DLG2: variants seen among roughly 807,000 people sequenced by gnomAD.
DLG2 encodes discs large MAGUK scaffold protein 2.
In DLG2, 45 loss-of-function variants were observed where a neutral mutation model predicts 132.5. The ratio of observed to expected loss-of-function variants is 0.34; its 90% CI spans 0.27 to 0.44. The LOEUF (loss-of-function observed/expected upper bound fraction) is 0.44. DLG2 is among the 20% of genes least tolerant of loss of function. The pLI is 1.00. For synonymous variants in DLG2, 424 were observed against 419.6 expected (o/e 1.01, Z -0.13); for missense variants, 1,045 against 1,196.9 (o/e 0.87, Z 1.87).
At chr11:84,508,748 A>G (rs1360167267) in intron 7 of DLG2, among the ~76,000 whole-genome samples, 3 of 152,064 alleles carry the variant, frequency 2.0e-5, no homozygotes, top group African/African-American at 7.2e-5. Flanking sequence ...ACTTACCATC[A>G]TCTGACATTT....
intron 4 of DLG2, among the ~76,000 whole-genome samples, chr11:85,271,673 G>T (rs2077541260): frequency 6.6e-6 from 1 of 152,262 alleles, no homozygotes; most frequent in Non-Finnish European, 1.5e-5. Flanking sequence ...GAGACATGAA[G>T]TCAAAGAATA....
chr11:85,136,730 G>T (rs1373142565), intron 5 of DLG2, among the ~76,000 whole-genome samples: 3 of 142,972 alleles, frequency 2.1e-5, no homozygotes, highest in Non-Finnish European at 4.6e-5. Flanking sequence ...CTTTTATTTT[G>T]TTTGTTTCCA....
intron 4 of DLG2, among the ~76,000 whole-genome samples, chr11:85,270,378 A>C (rs1252123016): frequency 1.3e-5 from 2 of 152,182 alleles, no homozygotes; most frequent in Non-Finnish European, 2.9e-5. Flanking sequence ...AGCCACATGG[A>C]ACTGTGAGTC....
At chr11:83,739,656 C>T (rs962234809) in intron 18 of DLG2, among the ~76,000 whole-genome samples, 3 of 152,228 alleles carry the variant, frequency 2.0e-5, no homozygotes, top group Non-Finnish European at 4.4e-5. Context: ...TGAGATTTCC[C>T]AGAAGATAAA....
chr11:84,065,827 A>T (rs892570513), intron 10 of DLG2, among the ~76,000 whole-genome samples: 19 of 152,226 alleles, frequency 1.2e-4, no homozygotes, highest in Admixed American at 4.6e-4. Flanking sequence ...AATGCCCATC[A>T]ACAGCAGACT....
intron 7 of DLG2, among the ~76,000 whole-genome samples, chr11:84,355,503 C>A (rs2098605983): frequency 6.6e-6 from 1 of 152,048 alleles, no homozygotes; most frequent in African/African-American, 2.4e-5. Flanking sequence ...TCAAGGCAGA[C>A]CTTCACCTGA....
At chr11:85,164,029 G>C (rs1436199931) in intron 4 of DLG2, among the ~76,000 whole-genome samples, 1 of 152,112 alleles carries the variant, frequency 6.6e-6, no homozygotes, top group Non-Finnish European at 1.5e-5. Context: ...AAGAAATAAG[G>C]GCTTGGGGTT....
At chr11:83,784,989 A>T (rs1396023889) in intron 18 of DLG2, among the ~76,000 whole-genome samples, 1 of 152,182 alleles carries the variant, frequency 6.6e-6, no homozygotes, top group Admixed American at 6.5e-5. Context: ...TTCTTACTCT[A>T]TATGAAGTAG....
At chr11:85,425,673 A>G (rs1597226215) in intron 3 of DLG2, among the ~76,000 whole-genome samples, 1 of 152,196 alleles carries the variant, frequency 6.6e-6, no homozygotes, top group Admixed American at 6.5e-5. Flanking sequence ...CAAGATGGCC[A>G]AATAGGAACA....
intron 3 of DLG2, among the ~76,000 whole-genome samples, chr11:85,480,940 A>G (rs532118188): frequency 4.3e-4 from 65 of 152,222 alleles, no homozygotes; most frequent in African/African-American, 1.6e-3. Context: ...ATGGTGTAGC[A>G]CAAAGAGACT....
intron 8 of DLG2, among the ~76,000 whole-genome samples, chr11:84,180,762 G>T (rs927978533): frequency 1.3e-5 from 2 of 152,042 alleles, no homozygotes; most frequent in Non-Finnish European, 2.9e-5. Context: ...AACTGGAAGA[G>T]AGTGAAGTGA....
intron 9 of DLG2, among the ~76,000 whole-genome samples, chr11:84,147,829 T>C (rs1481795872): frequency 1.3e-5 from 2 of 152,170 alleles, no homozygotes; most frequent in Non-Finnish European, 2.9e-5. Flanking sequence ...AGCCTAAAGT[T>C]ATACAAACAA....
intron 11 of DLG2, among the ~76,000 whole-genome samples, chr11:83,998,561 A>T (rs537771890): frequency 2.7e-4 from 41 of 152,286 alleles, no homozygotes; most frequent in Middle Eastern, 3.4e-3. Flanking sequence ...AATATGGGAG[A>T]AGTATAAATG....
chr11:84,988,381 A>C (rs2056729868), intron 6 of DLG2, among the ~76,000 whole-genome samples: 1 of 152,334 alleles, frequency 6.6e-6, no homozygotes, highest in Admixed American at 6.5e-5. Flanking sequence ...CCAGAGGAAA[A>C]GAAGTCGTTA....
chr11:85,318,203 T>C (rs1449982072), intron 3 of DLG2, among the ~76,000 whole-genome samples: 2 of 151,916 alleles, frequency 1.3e-5, no homozygotes, highest in Non-Finnish European at 2.9e-5. Flanking sequence ...TAAGCCAGCA[T>C]ATTGGCATCC....
intron 19 of DLG2, among the ~76,000 whole-genome samples, chr11:83,558,371 A>G (rs572840941): frequency 6.6e-6 from 1 of 152,328 alleles, no homozygotes; most frequent in African/African-American, 2.4e-5. Context: ...TTATAGACAT[A>G]CAACATGAAA....
At chr11:83,683,825 G>A (rs993487698) in intron 18 of DLG2, among the ~76,000 whole-genome samples, 5 of 152,044 alleles carry the variant, frequency 3.3e-5, no homozygotes, top group Admixed American at 1.3e-4. Flanking sequence ...GTCAGTGAAG[G>A]GGAAAAAGCC....
intron 5 of DLG2, among the ~76,000 whole-genome samples, chr11:85,132,490 A>G (rs944007937): frequency 6.6e-6 from 1 of 152,072 alleles, no homozygotes; most frequent in Non-Finnish European, 1.5e-5. Context: ...CTATAAATAG[A>G]TGCAAAAGCA....
rs958858314 is a variant in DLG2 at position 84,299,615 on chromosome 11, G to A, written c.520-48324C>T. Among the ~76,000 whole-genome samples, 44 of 152,142 alleles carry A rather than the reference G, an allele frequency of 2.9e-4. 2 individuals carry two copies. The highest frequency in any genetic ancestry group is 8.8e-5 in the Non-Finnish European group (6 of 68,034). On this transcript the variant is annotated intron_variant, in intron 7 of 27. Transcript: ENST00000376104. Reference sequence around the variant, plus strand: ...AGAAGAAGAATGATGAAAATAGACTGAAGGCTCTGAGTGAACTGCAAAGAG... The same window carrying A: ...AGAAGAAGAATGATGAAAATAGACTAAAGGCTCTGAGTGAACTGCAAAGAG...
Sources: allele counts gnomAD v4.1 joint callset (sites outside exome capture counted in the v4.1 genomes callset), GRCh38; gene constraint gnomAD v4.1.1; transcripts MANE v1.5; gene names NCBI Gene and HGNC (gene_info 2026-07-23, HGNC 2026-07-21).